Variants in C2orf72 observed in about 807,000 individuals in gnomAD.
The protein encoded by C2orf72 is uncharacterized protein C2orf72.
Under a neutral mutation model 14.4 loss-of-function variants are expected in C2orf72, and 16 were observed. That is an observed-to-expected ratio of 1.11 (90% CI 0.75 to 1.69). C2orf72 has a LOEUF of 1.69. Ranked by LOEUF, C2orf72 falls within the 40% of genes most tolerant of loss-of-function variation. The pLI is 0.00. For missense variants in C2orf72, 371 were observed against 358.3 expected, an observed-to-expected ratio of 1.04 and a Z score of -0.29; for synonymous variants, 168 against 176.8, an observed-to-expected ratio of 0.95 and a Z score of 0.40.
At chr2:231,044,670 T>G (rs973767928) in intron 2 of C2orf72, among the ~76,000 whole-genome samples, 52 of 146,532 alleles carry the variant, frequency 3.5e-4, no homozygotes, top group African/African-American at 1.3e-3. Context: ...ATTTTAATTT[T>G]TTTTTTTTTT....
chr2:231,042,598 T>C lies in C2orf72; in HGVS notation c.748+1189T>C, dbSNP rs181422135. ...CCATCCCAAAGTGCACTGAGAAGTA[T>C]AGCTTTGTTACAGAAACAATGGATG... On this transcript the variant is annotated intron_variant, in intron 2 of 2. Transcript: ENST00000373640. 1.9e-3 allele frequency among the ~76,000 whole-genome samples: 285 copies of C among 152,300 alleles called. 1 individual carries two copies. Among genetic ancestry groups the C allele is most frequent in the African/African-American group, 6.6e-3 (273 of 41,556 alleles).
chr2:231,047,100 A>G lies in C2orf72; in HGVS notation c.*79A>G, dbSNP rs1242372639. On this transcript the variant is annotated 3_prime_UTR_variant, in exon 3 of 3. Coordinates refer to ENST00000373640, the MANE Select transcript of C2orf72 (RefSeq NM_001144994.2). ...CCGTCTTACTGGCCCCCAGGTCTCC[A>G]TGGAGACTGCAGAAACCCCCGCCTG... The G allele has an allele frequency of 9.1e-6, 14 of 1,530,122 alleles. No individual in the cohort carries two copies. Among genetic ancestry groups the G allele is most frequent in the Non-Finnish European group, 1.2e-5 (14 of 1,128,492 alleles). 94.8% of individuals were successfully genotyped at this position (1,530,122 alleles called of 1,614,324 possible).
intron 2 of C2orf72, among the ~76,000 whole-genome samples, chr2:231,044,353 G>C (rs188508187): frequency 5.7e-4 from 87 of 152,098 alleles, no homozygotes; most frequent in African/African-American, 2.0e-3. Flanking sequence ...TAAGCTTTTT[G>C]ATTTTTTGGC....
Position 231,048,048 on chromosome 2 carries a change from T to G in C2orf72, c.*1027T>G. On this transcript the variant is annotated 3_prime_UTR_variant, in exon 3 of 3. Transcript: ENST00000373640. ...CTCTCAGGTCCTAGCCCAAGCTCAA[T>G]GCAAACACAGCCCCTCCGGGCTCTC... 1 of 152,404 alleles carries G rather than the reference T, an allele frequency of 6.6e-6. No individual in the cohort carries two copies. Among genetic ancestry groups the G allele is most frequent in the South Asian group, 2.1e-4 (1 of 4,832 alleles). The allele number at this position is 152,404 out of a possible 1,614,324, so 9.4% of individuals were successfully genotyped here.
rs1020978400 is a variant in C2orf72 at position 231,049,389 on chromosome 2, G to A, written c.*2368G>A. 7.9e-5 allele frequency: 12 copies of A among 152,232 alleles called. No individual in the cohort carries two copies. The highest frequency in any genetic ancestry group is 2.1e-4 in the South Asian group (1 of 4,830). The allele number at this position is 152,232 out of a possible 1,614,324, so 9.4% of individuals were successfully genotyped here. ...AGATGTGGCCACCATAAGCATCATC[G>A]TTGTAGGGACAGTCTCATTGCTGTC... On this transcript the variant is annotated 3_prime_UTR_variant, in exon 3 of 3. Coordinates refer to ENST00000373640, the MANE Select transcript of C2orf72 (RefSeq NM_001144994.2).
intron 2 of C2orf72, 95 bp from the exon 3 acceptor site, chr2:231,046,787 G>T (rs1693423559): frequency 1.6e-6 from 2 of 1,274,370 alleles, no homozygotes; most frequent in Non-Finnish European, 2.1e-6. Flanking sequence ...TTTTAAGTAG[G>T]TATTTGCTGG....
At chr2:231,039,774 T>C (rs1172400676) in intron 1 of C2orf72, among the ~76,000 whole-genome samples, 6 of 151,416 alleles carry the variant, frequency 4.0e-5, no homozygotes, top group Non-Finnish European at 7.4e-5. Flanking sequence ...ATGAAGTCTC[T>C]CTTTGTTGCC....
At chr2:231,046,819 T>G in intron 2 of C2orf72, 63 bp from the exon 3 acceptor site, 2 of 1,478,670 alleles carry the variant, frequency 1.4e-6, no homozygotes, top group Non-Finnish European at 1.8e-6. Flanking sequence ...TCCTTTTCCT[T>G]CCTAGATAAC....
Position 231,047,381 on chromosome 2 carries a change from C to T in C2orf72, c.*360C>T, listed in dbSNP as rs1024983012. On this transcript the variant is annotated 3_prime_UTR_variant, in exon 3 of 3. Coordinates refer to ENST00000373640, the MANE Select transcript of C2orf72 (RefSeq NM_001144994.2). ...TGTTCTGGGCACATGCATGGGCACC[C>T]ATCGTTGAGAGTGCAGCTGGGAAGA... The T allele has an allele frequency of 2.7e-6, 1 of 371,206 alleles. No homozygotes were observed. Among genetic ancestry groups the T allele is most frequent in the African/African-American group, 2.1e-5 (1 of 47,368 alleles). The allele number at this position is 371,206 out of a possible 1,614,324, so 23.0% of individuals were successfully genotyped here. A position where few individuals can be genotyped will look rare whatever the true frequency, so the allele number is the denominator to read the frequency against.
chr2:231,037,892 G>A lies in C2orf72; in HGVS notation c.327G>A (p.Val109=). The A allele has an allele frequency of 9.8e-7, 1 of 1,015,500 alleles. No homozygotes were observed. The highest frequency in any genetic ancestry group is 1.2e-6 in the Non-Finnish European group (1 of 852,300). 62.9% of individuals were successfully genotyped at this position (1,015,500 alleles called of 1,614,324 possible). A position where few individuals can be genotyped will look rare whatever the true frequency, so the allele number is the denominator to read the frequency against. The part of the protein sequence containing the change: ...ARAIRSPLVF[V]LCRASSLAAR... ...CCATCCGCTCGCCGCTGGTCTTCGTGCTGTGCCGCGCGTCGTCGCTGGCCG... is the reference window on the plus strand; with the variant it reads ...CCATCCGCTCGCCGCTGGTCTTCGTACTGTGCCGCGCGTCGTCGCTGGCCG... Residue 109 remains valine (V), a synonymous_variant, in exon 1 of 3, where the codon GTG becomes GTA. Transcript: ENST00000373640.
rs1181692522 is a variant in C2orf72, at chr2:231,047,108, T to C, written c.*87T>C. 22 of 1,498,944 alleles carry C rather than the reference T, an allele frequency of 1.5e-5. No individual in the cohort carries two copies. Among genetic ancestry groups the C allele is most frequent in the Non-Finnish European group, 1.7e-5 (19 of 1,100,702 alleles). 92.9% of individuals were successfully genotyped at this position (1,498,944 alleles called of 1,614,324 possible). ...CTGGCCCCCAGGTCTCCATGGAGAC[T>C]GCAGAAACCCCCGCCTGCTGGAGGC... On this transcript the variant is annotated 3_prime_UTR_variant, in exon 3 of 3. Transcript: ENST00000373640.
At chr2:231,043,345 T>C (rs1693369224) in intron 2 of C2orf72, among the ~76,000 whole-genome samples, 1 of 151,974 alleles carries the variant, frequency 6.6e-6, no homozygotes, top group African/African-American at 2.4e-5. Flanking sequence ...GGCCAGAATC[T>C]TGGGGGCTGT....
intron 1 of C2orf72, among the ~76,000 whole-genome samples, 200 bp downstream of exon 1, chr2:231,038,399 G>C (rs181590633): frequency 6.6e-6 from 1 of 152,270 alleles, no homozygotes; most frequent in East Asian, 1.9e-4. Context: ...GAAGGGTCCG[G>C]AGTGCACGGG....
intron 2 of C2orf72, among the ~76,000 whole-genome samples, chr2:231,044,156 C>G (rs2125137978): frequency 7.0e-6 from 1 of 143,684 alleles, no homozygotes; most frequent in African/African-American, 2.7e-5. Flanking sequence ...ATGAAGTTTT[C>G]AAGGCTGGAA....
intron 1 of C2orf72, among the ~76,000 whole-genome samples, chr2:231,040,681 C>T (rs1439102420): frequency 4.6e-5 from 7 of 152,200 alleles, no homozygotes; most frequent in South Asian, 4.1e-4. Flanking sequence ...TTCTAGGTTG[C>T]TTGCCTTTTG....
Position 231,046,713 on chromosome 2 carries a change from G to A in C2orf72, c.749-169G>A, listed in dbSNP as rs187566959. ...ATTTTCTTAGGATAAAATCCTAGAA[G>A]TGAAATTTGTGGGTCAAAGGGTGTG... is the stretch of plus-strand genomic sequence containing the variant. On this transcript the variant is annotated intron_variant, in intron 2 of 2. Transcript: ENST00000373640. Among the ~76,000 whole-genome samples the A allele has an allele frequency of 1.9e-3, 285 of 152,322 alleles. 3 individuals carry two copies. Among genetic ancestry groups the A allele is most frequent in the Non-Finnish European group, 4.9e-4 (33 of 68,020 alleles).
chr2:231,044,608 A>G (rs1205994416), intron 2 of C2orf72, among the ~76,000 whole-genome samples: 5 of 151,580 alleles, frequency 3.3e-5, no homozygotes, highest in Admixed American at 3.3e-4. Flanking sequence ...TATTGTAGAA[A>G]TGTACAAAAA....
Position 231,037,835 on chromosome 2 carries a change from G to T in C2orf72, c.270G>T (p.Gly90=). ...RGAQRAARAA[G]AAGAAAAAAR... is the part of the protein sequence containing the mutation. ...CGCAGAGGGCGGCGAGGGCGGCTGGGGCGGCGGGGGCGGCGGCGGCGGCGG... is the reference window on the plus strand; with the variant it reads ...CGCAGAGGGCGGCGAGGGCGGCTGGTGCGGCGGGGGCGGCGGCGGCGGCGG... The change falls in exon 1 of 3, where the codon GGG becomes GGT. Residue 90 remains glycine (G), a synonymous_variant. Transcript: ENST00000373640. 2 of 979,146 alleles carry T rather than the reference G, an allele frequency of 2.0e-6. No homozygotes were observed. Among genetic ancestry groups the T allele is most frequent in the Non-Finnish European group, 2.4e-6 (2 of 827,364 alleles). 60.7% of individuals were successfully genotyped at this position (979,146 alleles called of 1,614,324 possible).
rs1290757807 is a variant in C2orf72 at position 231,049,388 on chromosome 2, CGTT to C, written c.*2370_*2372del. On this transcript the variant is annotated 3_prime_UTR_variant, in exon 3 of 3. Coordinates refer to ENST00000373640, the MANE Select transcript of C2orf72 (RefSeq NM_001144994.2). The stretch of plus-strand genomic sequence containing the variant: ...GAGATGTGGCCACCATAAGCATCAT[CGTT>C]GTAGGGACAGTCTCATTGCTGTCTT... 6.6e-6 allele frequency: 1 copy of C among 152,218 alleles called. No individual in the cohort carries two copies. The highest frequency in any genetic ancestry group is 1.9e-4 in the East Asian group (1 of 5,202). The allele number at this position is 152,218 out of a possible 1,614,324, so 9.4% of individuals were successfully genotyped here.
Sources: allele counts gnomAD v4.1 joint callset (sites outside exome capture counted in the v4.1 genomes callset), GRCh38; gene constraint gnomAD v4.1.1; transcripts MANE v1.5; gene names NCBI Gene and HGNC (gene_info 2026-07-23, HGNC 2026-07-21).